The following ODR4 variants were observed in gnomAD, a reference collection of about 807,000 sequenced individuals.
The protein encoded by ODR4 is odr-4 GPCR localization factor homolog, also known as protein odr-4 homolog.
Under a neutral mutation model 60.2 loss-of-function variants are expected in ODR4, and 47 were observed. That is an observed-to-expected ratio of 0.78 (90% CI 0.62 to 1.00). The LOEUF (loss-of-function observed/expected upper bound fraction) is 1.00, where lower values mean the gene tolerates loss of function less well. Ranked by LOEUF, ODR4 falls within the 50% of genes least tolerant of loss-of-function variation. ODR4 has a pLI of 0.00. For missense variants in ODR4, 488 were observed against 530.8 expected, an observed-to-expected ratio of 0.92 and a Z score of 0.79; for synonymous variants, 178 against 175.5, an observed-to-expected ratio of 1.01 and a Z score of -0.11.
chr1:186,407,250 C>T (rs1212135501), intron 12 of ODR4, among the ~76,000 whole-genome samples: 1 of 152,102 alleles, frequency 6.6e-6, no homozygotes, highest in Admixed American at 6.6e-5. Flanking sequence ...AGATACAACT[C>T]TAGCATAGTT....
intron 9 of ODR4, 76 bp from the exon 10 acceptor site, chr1:186,398,237 G>A (rs954085416): frequency 5.3e-5 from 68 of 1,289,054 alleles, no homozygotes; most frequent in Admixed American, 2.0e-4. Flanking sequence ...TCATAAAATC[G>A]CTAATATAAT....
intron 12 of ODR4, chr1:186,411,877 C>T (rs892341815): frequency 1.0e-6 from 1 of 968,712 alleles, no homozygotes; most frequent in Non-Finnish European, 1.2e-6. Flanking sequence ...AGCAAAACAG[C>T]AATTTGGAAA....
intron 12 of ODR4, among the ~76,000 whole-genome samples, chr1:186,410,763 C>T (rs960554447): frequency 6.6e-6 from 1 of 152,160 alleles, no homozygotes; most frequent in Non-Finnish European, 1.5e-5. Flanking sequence ...CGCCTGTAGT[C>T]CCAGCACTTT....
intron 9 of ODR4, among the ~76,000 whole-genome samples, chr1:186,394,780 A>G (rs2102045358): frequency 6.6e-6 from 1 of 152,316 alleles, no homozygotes; most frequent in East Asian, 1.9e-4. Flanking sequence ...GTGTGTAGCA[A>G]TAGCGCATTA....
chr1:186,409,638 C>T (rs554982087), intron 12 of ODR4, among the ~76,000 whole-genome samples: 16 of 152,280 alleles, frequency 1.1e-4, no homozygotes, highest in Admixed American at 5.2e-4. Flanking sequence ...CTCTGCCTCC[C>T]GGGTTCAAGC....
intron 12 of ODR4, 121 bp downstream of exon 12, chr1:186,406,389 C>A: frequency 1.7e-6 from 1 of 597,378 alleles, no homozygotes; most frequent in Non-Finnish European, 2.7e-6. Flanking sequence ...TTTGACACTT[C>A]GAAATATTAA....
intron 13 of ODR4, among the ~76,000 whole-genome samples, chr1:186,418,110 A>G (rs936799317): frequency 2.6e-5 from 4 of 152,200 alleles, no homozygotes; most frequent in Non-Finnish European, 5.9e-5. Flanking sequence ...CATGCAGACT[A>G]TTGTTTAGTG....
chr1:186,420,494 A>G lies in ODR4; in HGVS notation c.*1418A>G, dbSNP rs1661735803. ...ACATGACAAGAAAGCTATAGAAAAA[A>G]TAAACATTGAACTCAGTTCTTCAAG... On this transcript the variant is annotated 3_prime_UTR_variant, in exon 14 of 14. Transcript: ENST00000287859. The G allele has an allele frequency of 6.6e-6, 1 of 152,264 alleles. No homozygotes were observed. Among genetic ancestry groups the G allele is most frequent in the Admixed American group, 6.5e-5 (1 of 15,288 alleles). The allele number at this position is 152,264 out of a possible 1,614,324, so 9.4% of individuals were successfully genotyped here.
intron 1 of ODR4, among the ~76,000 whole-genome samples, chr1:186,376,795 A>C (rs895871800): frequency 1.3e-5 from 2 of 152,196 alleles, no homozygotes; most frequent in African/African-American, 4.8e-5. Context: ...TGGGAAATGT[A>C]GATTTTTCTG....
chr1:186,433,933 A>G, the ODR4 span, among the ~76,000 whole-genome samples: 1 of 152,170 alleles, frequency 6.6e-6, no homozygotes. Context: ...TCTGTGGTTA[A>G]TATCTACATA....
chr1:186,406,662 T>C (rs1259150962), intron 12 of ODR4, among the ~76,000 whole-genome samples: 1 of 151,744 alleles, frequency 6.6e-6, no homozygotes, highest in Admixed American at 6.6e-5. Context: ...ACTAATTTAT[T>C]AAACATTTTC....
intron 12 of ODR4, among the ~76,000 whole-genome samples, chr1:186,415,745 C>T (rs75546693): frequency 6.6e-6 from 1 of 152,186 alleles, no homozygotes; most frequent in Admixed American, 6.5e-5. Context: ...TCTGAGGATG[C>T]TATCAGTTCA....
chr1:186,419,016 T>A lies in ODR4; in HGVS notation c.1305T>A (p.Ile435=), dbSNP rs1294807893. Residue 435 remains isoleucine (I), a synonymous_variant, in exon 14 of 14, where the codon ATT becomes ATA. Transcript: ENST00000287859. ...TGTTTGTTTTACTTTTAGGTGTGAT[T>A]GCAGCATTTACAGTTGCAGTCCTTG... ...LLKIQQNIGV[I]AAFTVAVLAA... is the part of the protein sequence containing the mutation. 10 of 1,607,106 alleles carry A rather than the reference T, an allele frequency of 6.2e-6. No homozygotes were observed. The Admixed American group carries it at 1.7e-4, about 27-fold the overall frequency.
chr1:186,381,828 G>A (rs1660044267), intron 2 of ODR4, among the ~76,000 whole-genome samples: 1 of 152,094 alleles, frequency 6.6e-6, no homozygotes, highest in South Asian at 2.1e-4. Context: ...GAAAAGAGGA[G>A]CCTTCTTAAC....
intron 12 of ODR4, among the ~76,000 whole-genome samples, chr1:186,416,862 A>AT (rs1297339773): frequency 2.0e-5 from 3 of 150,156 alleles, no homozygotes; most frequent in African/African-American, 7.5e-5. Context: ...TCTCAAAAAA[A>AT]AAAAAAAAAA....
At chr1:186,409,079 C>T (rs1661277152) in intron 12 of ODR4, among the ~76,000 whole-genome samples, 1 of 151,508 alleles carries the variant, frequency 6.6e-6, no homozygotes, top group Non-Finnish European at 1.5e-5. Context: ...ACTTGGGCAA[C>T]ATGGTGAAAC....
chr1:186,433,964 C>T, the ODR4 span, among the ~76,000 whole-genome samples: 3 of 152,072 alleles, frequency 2.0e-5, no homozygotes, highest in Non-Finnish European at 4.4e-5. Flanking sequence ...TTTTGTTACG[C>T]GATCTAGCAA....
the ODR4 span, among the ~76,000 whole-genome samples, chr1:186,432,500 C>T: frequency 6.6e-6 from 1 of 151,948 alleles, no homozygotes; most frequent in Non-Finnish European, 1.5e-5. Flanking sequence ...CATCTAGGCC[C>T]TGTGTTTTTT....
chr1:186,433,582 TTTA>T, the ODR4 span, among the ~76,000 whole-genome samples: 18 of 152,100 alleles, frequency 1.2e-4, no homozygotes, highest in African/African-American at 3.1e-4. Context: ...TTTTTATTAT[TTTA>T]TTATTATTAT....
Sources: allele counts gnomAD v4.1 joint callset (sites outside exome capture counted in the v4.1 genomes callset), GRCh38; gene constraint gnomAD v4.1.1; transcripts MANE v1.5; gene names NCBI Gene and HGNC (gene_info 2026-07-23, HGNC 2026-07-21).